Variants in AFAP1 observed in about 807,000 individuals in gnomAD.
The protein encoded by AFAP1 is actin filament-associated protein 1.
Under a neutral mutation model 93.9 loss-of-function variants are expected in AFAP1, and 75 were observed. The observed-to-expected ratio is 0.80, with a 90% CI of 0.66 to 0.97. The LOEUF is 0.97. Among genes scored for constraint, AFAP1 ranks in the 50% least tolerant of loss-of-function variants. AFAP1 has a pLI of 0.00. For synonymous variants in AFAP1, 517 were observed against 430.7 expected (o/e 1.20, Z -2.48); for missense variants, 1,201 against 1,050.8 (o/e 1.14, Z -1.98).
intron 6 of AFAP1, among the ~76,000 whole-genome samples, chr4:7,837,658 A>T (rs1262571823): frequency 6.6e-6 from 1 of 152,262 alleles, no homozygotes; most frequent in African/African-American, 2.4e-5. Flanking sequence ...GCAGATTAGA[A>T]GCAGCCAAAG....
intron 3 of AFAP1, among the ~76,000 whole-genome samples, chr4:7,859,769 T>C (rs1715462333): frequency 6.6e-6 from 1 of 152,174 alleles, no homozygotes; most frequent in Non-Finnish European, 1.5e-5. Context: ...GGGCTTACAG[T>C]ACTGGCCGTA....
chr4:7,879,248 T>C (rs1180960573), intron 1 of AFAP1, among the ~76,000 whole-genome samples: 2 of 152,130 alleles, frequency 1.3e-5, no homozygotes, highest in African/African-American at 4.8e-5. Flanking sequence ...CACATTCCAA[T>C]ATCCAAAATA....
Position 7,781,507 on chromosome 4 carries a change from G to A in AFAP1, c.1651C>T (p.Pro551Ser), listed in dbSNP as rs1716768017. The A allele has an allele frequency of 2.6e-6, 4 of 1,552,272 alleles. No homozygotes were observed. The highest frequency in any genetic ancestry group is 3.5e-6 in the Non-Finnish European group (4 of 1,147,138). ...AGCCTAGAGGCCTTTCTGTCAGCAG[G>A]AGAGTAGCGGGCAAAGATGTGCGGA... ...PPPHIFARYS[P>S]ADRKASRLSA... is the part of the protein sequence containing the mutation. The change falls in exon 13 of 18, where the codon CCT (proline) becomes TCT (serine). Residue 551 changes from proline (P) to serine (S), a missense_variant. Physicochemically the swap from Pro to Ser is moderately conservative, Grantham distance 74 (BLOSUM62 -1). Coordinates refer to ENST00000420658, the MANE Select transcript of AFAP1 (RefSeq NM_001134647.2).
At chr4:7,826,126 G>C (rs1157852337) in intron 6 of AFAP1, among the ~76,000 whole-genome samples, 3 of 152,196 alleles carry the variant, frequency 2.0e-5, no homozygotes, top group Non-Finnish European at 2.9e-5. Flanking sequence ...CACCATATTT[G>C]GGACAGGGAA....
chr4:7,803,593 T>A (rs542155971), intron 9 of AFAP1, among the ~76,000 whole-genome samples: 1 of 151,666 alleles, frequency 6.6e-6, no homozygotes, highest in Admixed American at 6.6e-5. Flanking sequence ...GACTCTGCAG[T>A]GGGGCGGCAA....
In AFAP1 at chr4:7,761,740, T is replaced by TC. The variant is rs1255939509; in HGVS notation, c.*2024dup. ...AAATCTATGGAGGAGCAAACTTTTT[T>TC]CCCTTTATAGAAAATTCATTTTGTG... On this transcript the variant is annotated 3_prime_UTR_variant, in exon 18 of 18. Coordinates refer to ENST00000420658, the MANE Select transcript of AFAP1 (RefSeq NM_001134647.2). 1 of 152,236 alleles carries TC rather than the reference T, an allele frequency of 6.6e-6. No homozygotes were observed. The highest frequency in any genetic ancestry group is 2.4e-5 in the African/African-American group (1 of 41,452). 9.4% of individuals were successfully genotyped at this position (152,236 alleles called of 1,614,324 possible). A position where few individuals can be genotyped will look rare whatever the true frequency, so the allele number is the denominator to read the frequency against.
chr4:7,763,848 G>A (rs942811939), intron 17 of AFAP1, 57 bp from the exon 18 acceptor site: 4 of 1,531,460 alleles, frequency 2.6e-6, no homozygotes, highest in Non-Finnish European at 3.5e-6. Flanking sequence ...GCTGGGACAA[G>A]CCACGCCACC....
At position 7,855,484 on chromosome 4, in the gene AFAP1, G is replaced by C. The variant is rs1200047821; in HGVS notation, c.316C>G (p.Pro106Ala). The change falls in exon 4 of 18, where the codon CCG becomes GCG. Residue 106 changes from proline (P) to alanine (A), a missense_variant. Physicochemically the swap from Pro to Ala is conservative, Grantham distance 27 (BLOSUM62 -1). Transcript: ENST00000420658. The stretch of plus-strand genomic sequence containing the variant: ...CACTCACTTGATGTGATGTATTCCG[G>C]AGCTTTTCCGGGGCTCAGCGGCACA... Reference protein sequence around the residue: ...EAVPLSPGKAPEYITSNYDSD... With the variant: ...EAVPLSPGKAAEYITSNYDSD... 6.2e-7 allele frequency: 1 copy of C among 1,611,446 alleles called. No homozygotes were observed. Among genetic ancestry groups the C allele is most frequent in the African/African-American group, 1.3e-5 (1 of 74,888 alleles).
intron 16 of AFAP1, among the ~76,000 whole-genome samples, chr4:7,771,485 T>A (rs185806674): frequency 7.2e-5 from 11 of 152,336 alleles, no homozygotes; most frequent in African/African-American, 2.6e-4. Flanking sequence ...TATAATGATA[T>A]CAACAAGCAA....
chr4:7,855,341 A>G lies in AFAP1; in HGVS notation c.334+125T>C, dbSNP rs1019536067. The G allele has an allele frequency of 4.2e-6, 3 of 721,454 alleles. No homozygotes were observed. The African/African-American group carries it at 5.4e-5, about 13-fold the overall frequency. The allele number at this position is 721,454 out of a possible 1,614,324, so 44.7% of individuals were successfully genotyped here. A position where few individuals can be genotyped will look rare whatever the true frequency, so the allele number is the denominator to read the frequency against. On this transcript the variant is annotated intron_variant, in intron 4 of 17. Coordinates refer to ENST00000420658, the MANE Select transcript of AFAP1 (RefSeq NM_001134647.2). ...CTGTACTGACAATCTCTTTGGGTTCAAAAAGTACTTGGCCCACAGTGTTTT... is the reference window on the plus strand; with the variant it reads ...CTGTACTGACAATCTCTTTGGGTTCGAAAAGTACTTGGCCCACAGTGTTTT...
intron 1 of AFAP1, among the ~76,000 whole-genome samples, chr4:7,905,200 A>G (rs1028626599): frequency 6.6e-6 from 1 of 152,194 alleles, no homozygotes; most frequent in Admixed American, 6.5e-5. Context: ...AGATGCATAC[A>G]TGTGTCTTGA....
intron 6 of AFAP1, among the ~76,000 whole-genome samples, chr4:7,828,203 G>C (rs1003947383): frequency 3.9e-5 from 6 of 152,122 alleles, no homozygotes; most frequent in Admixed American, 6.5e-5. Context: ...TGTTCACCTA[G>C]GGCTGCTTGA....
intron 9 of AFAP1, among the ~76,000 whole-genome samples, chr4:7,805,844 G>A (rs1719462343): frequency 6.6e-6 from 1 of 152,194 alleles, no homozygotes; most frequent in South Asian, 2.1e-4. Flanking sequence ...TGGCAACAAA[G>A]GAGGCACTTT....
intron 1 of AFAP1, among the ~76,000 whole-genome samples, chr4:7,876,005 T>C (rs892395642): frequency 6.6e-6 from 1 of 152,078 alleles, no homozygotes; most frequent in Admixed American, 6.5e-5. Context: ...AAATGGATGG[T>C]GAATATACCT....
chr4:7,926,967 C>T (rs954520070), intron 1 of AFAP1, among the ~76,000 whole-genome samples: 1 of 152,212 alleles, frequency 6.6e-6, no homozygotes, highest in Admixed American at 6.5e-5. Flanking sequence ...AACTCCCGAC[C>T]TCAGGTGATC....
In AFAP1 at chr4:7,898,657, GAAA is replaced by G. The variant is rs66560687; in HGVS notation, c.-2-26580_-2-26578del. Among the ~76,000 whole-genome samples, 941 of 135,630 alleles carry G rather than the reference GAAA, an allele frequency of 6.9e-3. 6 individuals are homozygous for G. The highest frequency in any genetic ancestry group is 0.022 in the African/African-American group (792 of 35,880). The allele number at this position is 135,630 out of a possible 152,430, so 89.0% of individuals were successfully genotyped here. A position where few individuals can be genotyped will look rare whatever the true frequency, so the allele number is the denominator to read the frequency against. ...TCAAGAGTTAAACAAAGAAAAAGAA[GAAA>G]AAAAAAAAAAAAACACTCTCTCCCT... is the stretch of plus-strand genomic sequence containing the variant. On this transcript the variant is annotated intron_variant, in intron 1 of 17. Coordinates refer to ENST00000420658, the MANE Select transcript of AFAP1 (RefSeq NM_001134647.2).
intron 1 of AFAP1, among the ~76,000 whole-genome samples, chr4:7,883,621 A>C (rs1419890995): frequency 6.6e-6 from 1 of 152,254 alleles, no homozygotes; most frequent in East Asian, 1.9e-4. Flanking sequence ...AACCTGGTAA[A>C]GCAGGAGACG....
chr4:7,774,944 C>A, intron 14 of AFAP1, 41 bp from the exon 15 acceptor site: 6 of 1,595,914 alleles, frequency 3.8e-6, no homozygotes, highest in Non-Finnish European at 5.1e-6. Flanking sequence ...ATTAGGTTTA[C>A]TAGCCTGGGA....
intron 1 of AFAP1, among the ~76,000 whole-genome samples, chr4:7,874,856 A>G (rs951900146): frequency 1.5e-4 from 23 of 152,028 alleles, no homozygotes; most frequent in African/African-American, 5.6e-4. Context: ...TCATAAATAT[A>G]TATTATTTAT....
Sources: gnomAD v4.1 joint callset for allele counts (sites outside exome capture counted in the v4.1 genomes callset) on GRCh38, gnomAD v4.1.1 for gene constraint, MANE v1.5 for transcripts, NCBI Gene and HGNC (gene_info 2026-07-23, HGNC 2026-07-21) for gene names.